SWI5: variants seen among roughly 807,000 people sequenced by gnomAD.
The protein encoded by SWI5 is SWI5 homologous recombination repair protein.
A neutral mutation model predicts 17.0 loss-of-function variants in SWI5; 12 were observed. That is an observed-to-expected ratio of 0.71 (90% CI 0.45 to 1.14). SWI5 has a LOEUF of 1.14. Among genes scored for constraint, SWI5 ranks in the 50% most tolerant of loss-of-function variants. The pLI is 0.00. For synonymous variants in SWI5, 61 were observed against 64.0 expected, an observed-to-expected ratio of 0.95 and a Z score of 0.22; for missense variants, 158 against 162.2, an observed-to-expected ratio of 0.97 and a Z score of 0.14.
At chr9:128,276,559 C>T (rs1831386319) in intron 1 of SWI5, 148 bp from the exon 2 acceptor site, 1 of 1,588,198 alleles carries the variant, frequency 6.3e-7, no homozygotes, top group South Asian at 1.1e-5. Flanking sequence ...CTACCCTGAT[C>T]CTGAGAGCGT....
At chr9:128,284,288 CAAAA>C (rs78361264) in intron 2 of SWI5, among the ~76,000 whole-genome samples, 4 of 79,290 alleles carry the variant, frequency 5.0e-5, no homozygotes, top group Non-Finnish European at 8.4e-5. Flanking sequence ...GACTCCGTCT[CAAAA>C]AAAAAAAAAA....
chr9:128,285,820 T>C lies in SWI5; in HGVS notation c.234-119T>C, dbSNP rs1831628545. On this transcript the variant is annotated intron_variant, in intron 3 of 4. Coordinates refer to ENST00000418976, the Ensembl canonical transcript of SWI5. This position sits in a 1 kb window ranked among gnomAD's most constrained non-coding sequence, Gnocchi z 4.8. Reference sequence around the variant, plus strand: ...CAGGGCCTATCTTGCTGTCACCATATCCCTAGTACCTATCACCGAGTAGGC... The same window carrying C: ...CAGGGCCTATCTTGCTGTCACCATACCCCTAGTACCTATCACCGAGTAGGC... 3.1e-6 allele frequency: 2 copies of C among 650,692 alleles called. No homozygotes were observed. Among genetic ancestry groups the C allele is most frequent in the East Asian group, 5.3e-5 (2 of 37,446 alleles). The allele number at this position is 650,692 out of a possible 1,614,324, so 40.3% of individuals were successfully genotyped here.
At chr9:128,278,188 C>G (rs1243127762) in intron 2 of SWI5, among the ~76,000 whole-genome samples, 1 of 152,000 alleles carries the variant, frequency 6.6e-6, no homozygotes, top group African/African-American at 2.4e-5. Flanking sequence ...CTCGTGAGCT[C>G]AAAGCAACCT....
intron 2 of SWI5, among the ~76,000 whole-genome samples, chr9:128,279,737 G>A (rs746624895): frequency 6.4e-4 from 98 of 152,204 alleles, no homozygotes; most frequent in Non-Finnish European, 9.1e-4. Context: ...GGCCGGCCTG[G>A]ATAATATCCA....
intron 4 of SWI5, among the ~76,000 whole-genome samples, chr9:128,286,992 A>C (rs1311119750): frequency 4.6e-5 from 7 of 151,776 alleles, no homozygotes; most frequent in African/African-American, 1.7e-4. Flanking sequence ...AAAAATATAA[A>C]ATTAGCCAGG....
chr9:128,286,370 A>T, intron 4 of SWI5: 1 of 249,928 alleles, frequency 4.0e-6, no homozygotes, highest in Non-Finnish European at 7.8e-6. Context: ...CTAGCTTGCT[A>T]AAGAGGCTGC....
intron 4 of SWI5, chr9:128,286,247 C>A (rs757178982): frequency 7.6e-6 from 4 of 524,502 alleles, no homozygotes; most frequent in Non-Finnish European, 1.4e-5. Context: ...TGCTTTGGAG[C>A]CGCAGCCAGG....
At chr9:128,283,532 G>T (rs1207897552) in intron 2 of SWI5, among the ~76,000 whole-genome samples, 1 of 151,658 alleles carries the variant, frequency 6.6e-6, no homozygotes, top group Non-Finnish European at 1.5e-5. Flanking sequence ...CAGTGACATT[G>T]TAAATGAGAA....
intron 1 of SWI5, 128 bp downstream of exon 1, chr9:128,276,530 C>G: frequency 6.4e-7 from 1 of 1,569,048 alleles, no homozygotes. Context: ...TCTCAGAACG[C>G]CCCCTTCCTA....
At chr9:128,275,565 C>T, upstream of SWI5, 1 of 1,167,966 alleles carries the variant, frequency 8.6e-7, no homozygotes, top group East Asian at 3.2e-5. Flanking sequence ...AGGGCAGGGG[C>T]TGAATTGCTG....
chr9:128,287,862 C>G (rs144682159), intron 4 of SWI5, among the ~76,000 whole-genome samples: 59 of 151,930 alleles, frequency 3.9e-4, no homozygotes, highest in Non-Finnish European at 7.5e-4. Context: ...CACCTGGCAT[C>G]CTTTTTGTTT....
chr9:128,284,513 C>T, exon 3 of SWI5: 1 of 1,612,978 alleles, frequency 6.2e-7, no homozygotes, highest in Non-Finnish European at 8.5e-7. Context: ...CTCTCAGAGG[C>T]CATTGCCCAA....
chr9:128,288,560 T>G (rs1588509759), intron 4 of SWI5, 92 bp from the exon 5 acceptor site: 3 of 1,356,000 alleles, frequency 2.2e-6, no homozygotes, highest in South Asian at 1.2e-5. Context: ...TGGTCCTGGG[T>G]GGGTCAGGGC....
At chr9:128,283,140 C>A (rs1831571260) in intron 2 of SWI5, among the ~76,000 whole-genome samples, 1 of 151,996 alleles carries the variant, frequency 6.6e-6, no homozygotes, top group Non-Finnish European at 1.5e-5. Context: ...CATGGTGAAA[C>A]CCTGTCTCTA....
chr9:128,275,844 G>A (rs1483441182), upstream of SWI5: 3 of 967,762 alleles, frequency 3.1e-6, no homozygotes, highest in African/African-American at 5.0e-5. Context: ...TCCTGCCATC[G>A]GAGTGGGGCT....
chr9:128,287,914 C>T (rs1039024941), intron 4 of SWI5, among the ~76,000 whole-genome samples: 2 of 152,090 alleles, frequency 1.3e-5, no homozygotes, highest in African/African-American at 4.8e-5. Flanking sequence ...GTGCCCAGCA[C>T]TCTACAGAGT....
At position 128,285,025 on chromosome 9, in the gene SWI5, C is replaced by T. The variant is rs900209838; in HGVS notation, c.233+394C>T. On this transcript the variant is annotated intron_variant, in intron 3 of 4. Transcript: ENST00000418976. The surrounding 1 kb of genome is among the most constrained non-coding windows in gnomAD (Gnocchi z 4.8). ...CCAGTAACTGAAAAACCCAGTCGCA[C>T]TGGCCTAGCATAGAAATACGACTGT... Among the ~76,000 whole-genome samples, 33 of 148,036 alleles carry T rather than the reference C, an allele frequency of 2.2e-4. No homozygotes were observed. Among genetic ancestry groups the T allele is most frequent in the Middle Eastern group, 3.4e-3 (1 of 290 alleles).
chr9:128,279,578 C>G (rs1035838500), intron 2 of SWI5, among the ~76,000 whole-genome samples: 2 of 152,194 alleles, frequency 1.3e-5, no homozygotes, highest in Admixed American at 6.5e-5. Flanking sequence ...AGATCAAAGA[C>G]TTTAAGACTT....
intron 2 of SWI5, chr9:128,278,646 A>G: frequency 4.2e-6 from 2 of 471,668 alleles, no homozygotes; most frequent in South Asian, 1.5e-5. Flanking sequence ...CCTTCCAGCA[A>G]CCTTTGAGAA....
Sources: gnomAD v4.1 joint callset for allele counts (sites outside exome capture counted in the v4.1 genomes callset) on GRCh38, gnomAD v4.1.1 for gene constraint, Gnocchi (gnomAD v3.1) non-coding constraint, MANE v1.5 for transcripts, NCBI Gene and HGNC (gene_info 2026-07-23, HGNC 2026-07-21) for gene names.